The following FLNB variants were observed in gnomAD, a reference collection of about 807,000 sequenced individuals.
FLNB encodes filamin B, also known as filamin-B.
A neutral mutation model predicts 250.6 loss-of-function variants in FLNB; 111 were observed. The observed-to-expected ratio is 0.44, with a 90% CI of 0.38 to 0.52. FLNB has a LOEUF of 0.52. FLNB is among the 20% of genes least tolerant of loss of function. The pLI is 0.00. For missense variants in FLNB, 2,869 were observed against 3,447.8 expected (o/e 0.83, Z 4.20); for synonymous variants, 1,302 against 1,372.1 (o/e 0.95, Z 1.13).
Position 58,169,684 on chromosome 3 carries a change from C to A in FLNB, c.7512C>A (p.Ala2504=). 1 of 1,614,124 alleles carries A rather than the reference C, an allele frequency of 6.2e-7. No individual in the cohort carries two copies. The highest frequency in any genetic ancestry group is 8.5e-7 in the Non-Finnish European group (1 of 1,179,990). Residue 2504 remains alanine (A), a synonymous_variant, in exon 45 of 46, where the codon GCC becomes GCA. Transcript: ENST00000295956. This position sits in a 1 kb window ranked among gnomAD's most constrained non-coding sequence, Gnocchi z 4.8. The stretch of plus-strand genomic sequence containing the variant: ...CGTCTACAGAGACCTGCTATAGCGC[C>A]ATTCCCAAGGCATCCTCGGACGCCA... ...TRSSTETCYS[A]IPKASSDASK... is the part of the protein sequence containing the mutation.
rs765009635 is a variant in FLNB, at chr3:58,169,518, G to A, written c.7418-72G>A. 1.5e-5 allele frequency: 19 copies of A among 1,247,660 alleles called. No homozygotes were observed. The highest frequency in any genetic ancestry group is 4.8e-5 in the South Asian group (4 of 83,664). 77.3% of individuals were successfully genotyped at this position (1,247,660 alleles called of 1,614,324 possible). On this transcript the variant is annotated intron_variant, in intron 44 of 45. Transcript: ENST00000295956. The surrounding 1 kb of genome is among the most constrained non-coding windows in gnomAD (Gnocchi z 4.8). ...CCTGGGGTTACTGTGTAGGGTACTCGCCTGTCCTCTGGCTGAGAGACCCCT... is the reference window on the plus strand; with the variant it reads ...CCTGGGGTTACTGTGTAGGGTACTCACCTGTCCTCTGGCTGAGAGACCCCT...
At chr3:58,069,139 TAAAA>T (rs966824772) in intron 1 of FLNB, among the ~76,000 whole-genome samples, 1 of 134,608 alleles carries the variant, frequency 7.4e-6, no homozygotes, top group Non-Finnish European at 1.6e-5. Context: ...ACCCTGTCTT[TAAAA>T]AAAAAAAAAA....
chr3:58,130,804 C>T lies in FLNB; in HGVS notation c.4286C>T (p.Pro1429Leu), dbSNP rs771435214. 2.5e-6 allele frequency: 4 copies of T among 1,613,782 alleles called. No homozygotes were observed. The highest frequency in any genetic ancestry group is 1.7e-5 in the Admixed American group (1 of 59,988). The change falls in exon 25 of 46, where the codon CCC becomes CTC. Residue 1429 changes from proline to leucine, a missense_variant. This residue lies in a region of FLNB where 1,348 missense variants were observed against 1,466.7 expected (regional missense o/e 0.92). Transcript: ENST00000295956. Reference sequence around the variant, plus strand: ...CCCAGCAAGGTCAAGATTGCCGGCCCCGGGCTGGGCTCAGGCGTCCGAGCC... The same window carrying T: ...CCCAGCAAGGTCAAGATTGCCGGCCTCGGGCTGGGCTCAGGCGTCCGAGCC... ...VDPSKVKIAG[P>L]GLGSGVRARV...
At chr3:58,058,585 C>T (rs572170866) in intron 1 of FLNB, among the ~76,000 whole-genome samples, 85 of 152,164 alleles carry the variant, frequency 5.6e-4, no homozygotes, top group Non-Finnish European at 8.2e-4. Context: ...AGTTGGTTGT[C>T]GCCTGAATTT....
intron 1 of FLNB, among the ~76,000 whole-genome samples, chr3:58,024,201 G>A (rs78053301): frequency 6.6e-6 from 1 of 152,126 alleles, no homozygotes; most frequent in African/African-American, 2.4e-5. Context: ...AGCCACTTCC[G>A]GAGTGCTTCA....
intron 42 of FLNB, among the ~76,000 whole-genome samples, chr3:58,160,817 CA>C (rs976576226): frequency 1.3e-5 from 2 of 150,198 alleles, no homozygotes; most frequent in African/African-American, 2.5e-5. Flanking sequence ...CCCTTCTCTA[CA>C]AAAAAAAGTA....
intron 1 of FLNB, among the ~76,000 whole-genome samples, chr3:58,039,887 G>A (rs978072837): frequency 6.6e-5 from 10 of 152,158 alleles, no homozygotes; most frequent in Non-Finnish European, 1.5e-4. Context: ...GCTCATGCCT[G>A]TAATCCCAGC....
chr3:58,010,580 A>G (rs1486448990), intron 1 of FLNB, among the ~76,000 whole-genome samples: 1 of 152,228 alleles, frequency 6.6e-6, no homozygotes, highest in Non-Finnish European at 1.5e-5. Flanking sequence ...TTTACCATTC[A>G]GAAACCAGCC....
chr3:58,033,883 C>T (rs182070543), intron 1 of FLNB, among the ~76,000 whole-genome samples: 27 of 151,790 alleles, frequency 1.8e-4, no homozygotes, highest in South Asian at 1.0e-3. Flanking sequence ...ATTTTTGAGA[C>T]GGAGTCTCAC....
chr3:58,073,093 A>G lies in FLNB; in HGVS notation c.293-3953A>G, dbSNP rs970063271. Among the ~76,000 whole-genome samples, 14 of 152,246 alleles carry G rather than the reference A, an allele frequency of 9.2e-5. No individual in the cohort carries two copies. In the South Asian group the frequency reaches 2.7e-3, roughly 29 times the overall value. On this transcript the variant is annotated intron_variant, in intron 1 of 45. Transcript: ENST00000295956. Reference sequence around the variant, plus strand: ...GCTCCATCCAATCCCTCCTGGTGCAAGAGATCAATGCCTTGAGGGTGCCTG... The same window carrying G: ...GCTCCATCCAATCCCTCCTGGTGCAGGAGATCAATGCCTTGAGGGTGCCTG...
chr3:58,046,512 C>T (rs1203885187), intron 1 of FLNB, among the ~76,000 whole-genome samples: 2 of 149,548 alleles, frequency 1.3e-5, no homozygotes, highest in East Asian at 2.0e-4. Flanking sequence ...TGCAGTGGTG[C>T]AGTCTTGGCT....
At chr3:58,135,956 T>C in intron 27 of FLNB, 23 bp from the exon 28 acceptor site, 3 of 1,612,380 alleles carry the variant, frequency 1.9e-6, no homozygotes, top group Non-Finnish European at 1.7e-6. Context: ...ACATCCTAAA[T>C]AGCATTTCTC....
At position 58,112,213 on chromosome 3, in the gene FLNB, C is replaced by T. The variant is rs1451595465; in HGVS notation, c.2640C>T (p.Leu880=). 6.2e-7 allele frequency: 1 copy of T among 1,613,994 alleles called. No individual in the cohort carries two copies. The highest frequency in any genetic ancestry group is 8.5e-7 in the Non-Finnish European group (1 of 1,179,948). ...CCAAGGGGGCTGGGAAAGCCCCGCT[C>T]AACGTGCAGTTCAACAGCCCTCTTC... ...VYTKGAGKAP[L]NVQFNSPLPG... is the part of the protein sequence containing the mutation. Residue 880 remains leucine, a synonymous_variant, in exon 18 of 46, where the codon CTC becomes CTT. Coordinates refer to ENST00000295956, the MANE Select transcript of FLNB (RefSeq NM_001457.4).
rs1361879607 is a variant in FLNB, at chr3:58,037,780, T to C, written c.292+28924T>C. The stretch of plus-strand genomic sequence containing the variant: ...AGTATTATTTTGTGAATGTTTTTTT[T>C]CTTCATATCTACTCATCTTTATACT... On this transcript the variant is annotated intron_variant, in intron 1 of 45. Coordinates refer to ENST00000295956, the MANE Select transcript of FLNB (RefSeq NM_001457.4). Among the ~76,000 whole-genome samples the C allele has an allele frequency of 2.6e-5, 4 of 152,320 alleles. No individual in the cohort carries two copies. The East Asian group carries it at 5.8e-4, about 22-fold the overall frequency.
At chr3:58,063,595 G>T (rs2097181447) in intron 1 of FLNB, among the ~76,000 whole-genome samples, 1 of 152,170 alleles carries the variant, frequency 6.6e-6, no homozygotes, top group Non-Finnish European at 1.5e-5. Flanking sequence ...CTTTTCTGTG[G>T]TGATGGTCAG....
chr3:58,045,826 C>G (rs375927411), intron 1 of FLNB, among the ~76,000 whole-genome samples: 9 of 151,780 alleles, frequency 5.9e-5, no homozygotes, highest in East Asian at 1.9e-4. Flanking sequence ...ATGGTGAAAC[C>G]CTGTTTCTAC....
chr3:58,096,632 C>A (rs1051750859), intron 6 of FLNB, among the ~76,000 whole-genome samples: 1 of 152,136 alleles, frequency 6.6e-6, no homozygotes, highest in Non-Finnish European at 1.5e-5. Context: ...CCTCAGCCTC[C>A]CAAGTAGGTG....
intron 42 of FLNB, chr3:58,162,801 T>C (rs2097363907): frequency 3.3e-6 from 1 of 307,124 alleles, no homozygotes; most frequent in African/African-American, 2.2e-5. Context: ...AAACATAATT[T>C]AATTTTGGTG....
intron 1 of FLNB, among the ~76,000 whole-genome samples, chr3:58,027,584 G>C (rs1223540309): frequency 6.6e-6 from 1 of 152,150 alleles, no homozygotes; most frequent in African/African-American, 2.4e-5. Flanking sequence ...GCCTGGCCCA[G>C]ACCCTGGCTC....
Sources: allele counts gnomAD v4.1 joint callset (sites outside exome capture counted in the v4.1 genomes callset), GRCh38; gene constraint gnomAD v4.1.1; regional missense constraint gnomAD v4.1.1; non-coding constraint Gnocchi (gnomAD v3.1); transcripts MANE v1.5; gene names NCBI Gene and HGNC (gene_info 2026-07-23, HGNC 2026-07-21).